The following DCHS2 variants were observed in gnomAD, a reference collection of about 807,000 sequenced individuals.
The protein encoded by DCHS2 is protocadherin-23.
Under a neutral mutation model 182.4 loss-of-function variants are expected in DCHS2, and 142 were observed. The ratio of observed to expected loss-of-function variants is 0.78; its 90% CI spans 0.68 to 0.89. The LOEUF is 0.89. Among genes scored for constraint, DCHS2 ranks in the 40% least tolerant of loss-of-function variants. DCHS2 has a pLI of 0.00. For missense variants in DCHS2, 4,319 were observed against 4,198.6 expected (o/e 1.03, Z -0.79); for synonymous variants, 1,740 against 1,663.3 (o/e 1.05, Z -1.12).
At chr4:154,466,889 T>C (rs1437503839) in intron 1 of DCHS2, among the ~76,000 whole-genome samples, 1 of 152,250 alleles carries the variant, frequency 6.6e-6, no homozygotes, top group Non-Finnish European at 1.5e-5. Context: ...ATTCCTTTTC[T>C]ATTTTAGCTT....
chr4:154,430,430 G>A (rs1441392398), intron 1 of DCHS2, among the ~76,000 whole-genome samples: 1 of 152,166 alleles, frequency 6.6e-6, no homozygotes, highest in East Asian at 1.9e-4. Flanking sequence ...CTGTTTCCAT[G>A]TGCCCTAGGG....
chr4:154,308,437 T>C (rs1269442777), intron 10 of DCHS2, among the ~76,000 whole-genome samples: 1 of 152,212 alleles, frequency 6.6e-6, no homozygotes, highest in Non-Finnish European at 1.5e-5. Flanking sequence ...CATTGTCATC[T>C]CACTCTATAC....
Position 154,320,716 on chromosome 4 carries a change from G to A in DCHS2, c.4683C>T (p.Leu1561=), listed in dbSNP as rs748936474. The A allele has an allele frequency of 9.3e-6, 15 of 1,613,962 alleles. No individual in the cohort carries two copies. Among genetic ancestry groups the A allele is most frequent in the Non-Finnish European group, 1.2e-5 (14 of 1,180,026 alleles). The change falls in exon 9 of 20, where the codon CTC becomes CTT. Residue 1561 remains leucine, a synonymous_variant. Transcript: ENST00000357232. ...CTAGTGTGCCAAATGAGGGGTGGATGAGAAATGGATTCGTGCCAGGGTTGT... is the reference window on the plus strand; with the variant it reads ...CTAGTGTGCCAAATGAGGGGTGGATAAGAAATGGATTCGTGCCAGGGTTGT... The part of the protein sequence containing the change: ...ESHNPGTNPF[L]IHPSFGTLVT...
Position 154,315,904 on chromosome 4 carries a change from G to C in DCHS2, c.5104C>G (p.Pro1702Ala). The change falls in exon 10 of 20, where the codon CCA becomes GCA. Residue 1702 changes from proline to alanine, a missense_variant. Transcript: ENST00000357232. ...AAAGTCTGGGATGAAGAAAGTGCTG[G>C]TGTGCCATCATCCAGTGCCAGAACA... ...LTVLALDDGTPALSSSQTLTV... is the reference protein window; with the variant it reads ...LTVLALDDGTAALSSSQTLTV... The C allele has an allele frequency of 6.2e-7, 1 of 1,613,968 alleles. No homozygotes were observed. The highest frequency in any genetic ancestry group is 8.5e-7 in the Non-Finnish European group (1 of 1,179,972).
At position 154,298,316 on chromosome 4, in the gene DCHS2, T is replaced by A; in HGVS notation, c.5998A>T (p.Arg2000Ter). 6.2e-7 allele frequency: 1 copy of A among 1,614,214 alleles called. No individual in the cohort carries two copies. Among genetic ancestry groups the A allele is most frequent in the Non-Finnish European group, 8.5e-7 (1 of 1,180,014 alleles). The change falls in exon 13 of 20, where the codon AGA (arginine) becomes TGA (stop). Residue 2000 changes from arginine to a stop codon, truncating the protein, a stop_gained. Coordinates refer to ENST00000357232, the MANE Select transcript of DCHS2 (RefSeq NM_001358235.2). LOFTEE classifies it high-confidence loss of function. ...ACAGCACTAAATGTATGCTGAGATC[T>A]GGCTTCACGGTCGAGGGTGTTGCTG... ...KTSNTLDREA[R>*]SQHTFSAVAR...
intron 1 of DCHS2, among the ~76,000 whole-genome samples, chr4:154,429,238 C>T (rs1001562773): frequency 1.3e-5 from 2 of 152,110 alleles, no homozygotes; most frequent in Admixed American, 1.3e-4. Flanking sequence ...ACTGGTGCTT[C>T]GGGATGAACA....
intron 1 of DCHS2, among the ~76,000 whole-genome samples, chr4:154,444,145 G>A (rs1734156937): frequency 2.0e-5 from 3 of 151,888 alleles, no homozygotes; most frequent in Admixed American, 6.6e-5. Flanking sequence ...CTGGTGGTGG[G>A]GCCCAAACTA....
rs1482644065 is a variant in DCHS2, at chr4:154,298,292, C to T, written c.6022G>A (p.Val2008Met). 25 of 1,614,086 alleles carry T rather than the reference C, an allele frequency of 1.5e-5. No individual in the cohort carries two copies. Among genetic ancestry groups the T allele is most frequent in the Non-Finnish European group, 1.9e-5 (22 of 1,180,030 alleles). Residue 2008 changes from valine (V) to methionine (M), a missense_variant, in exon 13 of 20, where the codon GTG becomes ATG. Coordinates refer to ENST00000357232, the MANE Select transcript of DCHS2 (RefSeq NM_001358235.2). The part of the protein sequence containing the change: ...EARSQHTFSA[V>M]ARDCSIQGSR... ...CCCTGGATGCTACAGTCTCTGGCCA[C>T]AGCACTAAATGTATGCTGAGATCTG... is the stretch of plus-strand genomic sequence containing the variant.
intron 12 of DCHS2, among the ~76,000 whole-genome samples, chr4:154,300,341 T>C (rs1420252981): frequency 2.6e-5 from 4 of 152,058 alleles, no homozygotes; most frequent in African/African-American, 7.2e-5. Flanking sequence ...GAAAGTGTCA[T>C]GAATCAAATT....
In DCHS2 at chr4:154,236,892, T is replaced by C; in HGVS notation, c.7760A>G (p.Tyr2587Cys). 4 of 1,614,112 alleles carry C rather than the reference T, an allele frequency of 2.5e-6. No individual in the cohort carries two copies. The highest frequency in any genetic ancestry group is 3.4e-6 in the Non-Finnish European group (4 of 1,179,960). ...DWTRENTYVE[Y>C]SIISGNSQNN... ...CTGTGAATTACCACTGATGATGGAA[T>C]ATTCAACATATGTGTTTTCACGGGT... Residue 2587 changes from tyrosine (Y) to cysteine (C), a missense_variant, in exon 20 of 20, where the codon TAT becomes TGT. Physicochemically the swap from Tyr to Cys is radical, Grantham distance 194. Transcript: ENST00000357232.
chr4:154,236,692 G>A lies in DCHS2; in HGVS notation c.7960C>T (p.Gln2654Ter), dbSNP rs771185927. 86 of 1,613,872 alleles carry A rather than the reference G, an allele frequency of 5.3e-5. No homozygotes were observed. The highest frequency in any genetic ancestry group is 6.9e-5 in the Non-Finnish European group (81 of 1,179,966). The change falls in exon 20 of 20, where the codon CAA becomes TAA. Residue 2654 changes from glutamine (Q) to a stop codon, truncating the protein, a stop_gained. Transcript: ENST00000357232. LOFTEE classifies it low-confidence loss of function (END_TRUNC). ...GGATTGTCATTGACATCAAGTACTT[G>A]TATTGATATGACAGCTGTGGAACTC... ...PLSSTAVISI[Q>*]VLDVNDNPPN...
At chr4:154,239,089 G>A in intron 19 of DCHS2, 81 bp downstream of exon 19, 1 of 1,515,220 alleles carries the variant, frequency 6.6e-7, no homozygotes, top group Non-Finnish European at 8.8e-7. Flanking sequence ...AACTTTTATA[G>A]AGGCATTTAG....
intron 1 of DCHS2, among the ~76,000 whole-genome samples, chr4:154,416,911 CA>C (rs1384390897): frequency 6.6e-6 from 1 of 152,044 alleles, no homozygotes; most frequent in Non-Finnish European, 1.5e-5. Context: ...ACTCCGAGGC[CA>C]AAACTAACAC....
rs749521098 is a variant in DCHS2 at position 154,333,164 on chromosome 4, C to G, written c.3044G>C (p.Arg1015Pro). 6.2e-7 allele frequency: 1 copy of G among 1,614,184 alleles called. No individual in the cohort carries two copies. The highest frequency in any genetic ancestry group is 1.3e-5 in the African/African-American group (1 of 75,068). Reference protein sequence around the residue: ...DRDSGRNGLIRYSIASPQPGV... With the variant: ...DRDSGRNGLIPYSIASPQPGV... The stretch of plus-strand genomic sequence containing the variant: ...TGGCTGCGGGCTGGCGATGGAGTAC[C>G]GGATGAGTCCGTTCCGCCCACTGTC... The change falls in exon 5 of 20, where the codon CGG (arginine) becomes CCG (proline). Residue 1015 changes from arginine (R) to proline (P), a missense_variant. Physicochemically the swap from Arg to Pro is moderately radical, Grantham distance 103 (BLOSUM62 -2). Transcript: ENST00000357232.
chr4:154,259,450 A>G (rs1408020899), intron 15 of DCHS2, 95 bp downstream of exon 15: 8 of 1,524,226 alleles, frequency 5.2e-6, no homozygotes, highest in Non-Finnish European at 6.2e-6. Context: ...AGAAATTTTT[A>G]TGTACATTGA....
At chr4:154,302,953 A>C (rs1735271453) in intron 12 of DCHS2, among the ~76,000 whole-genome samples, 1 of 68,796 alleles carries the variant, frequency 1.5e-5, no homozygotes. Context: ...ACACACACAC[A>C]CACACACACA....
At chr4:154,326,568 C>A (rs1385409197) in intron 7 of DCHS2, among the ~76,000 whole-genome samples, 1 of 152,082 alleles carries the variant, frequency 6.6e-6, no homozygotes, top group Non-Finnish European at 1.5e-5. Flanking sequence ...TTAAAGATTT[C>A]TACATTTAAT....
intron 11 of DCHS2, 27 bp downstream of exon 11, chr4:154,305,070 T>C (rs1477755603): frequency 6.4e-7 from 1 of 1,566,612 alleles, no homozygotes; most frequent in Non-Finnish European, 8.6e-7. Flanking sequence ...AATTTTTATT[T>C]TTTAGCCTAC....
chr4:154,484,732 T>C (rs1227224269), intron 1 of DCHS2, among the ~76,000 whole-genome samples: 2 of 152,242 alleles, frequency 1.3e-5, no homozygotes, highest in Non-Finnish European at 2.9e-5. Context: ...TCACTTTTCA[T>C]TTATAATTTA....
Sources: allele counts gnomAD v4.1 joint callset (sites outside exome capture counted in the v4.1 genomes callset), GRCh38; gene constraint gnomAD v4.1.1; transcripts MANE v1.5; gene names NCBI Gene and HGNC (gene_info 2026-07-23, HGNC 2026-07-21).